CTNNA3: variants seen among roughly 807,000 people sequenced by gnomAD.
CTNNA3 encodes catenin alpha 3, also known as catenin alpha-3.
CTNNA3 carries 76 observed loss-of-function variants against 95.7 expected under a neutral mutation model. That is an observed-to-expected ratio of 0.79 (90% CI 0.66 to 0.96). The LOEUF (loss-of-function observed/expected upper bound fraction) is 0.96, where lower values mean the gene tolerates loss of function less well. Among genes scored for constraint, CTNNA3 ranks in the 40% least tolerant of loss-of-function variants. The pLI is 0.00. For missense variants in CTNNA3, 1,191 were observed against 1,089.8 expected, an observed-to-expected ratio of 1.09 and a Z score of -1.31; for synonymous variants, 431 against 374.4, an observed-to-expected ratio of 1.15 and a Z score of -1.74.
At chr10:66,545,616 T>C (rs1387970181) in intron 10 of CTNNA3, among the ~76,000 whole-genome samples, 1 of 152,052 alleles carries the variant, frequency 6.6e-6, no homozygotes, top group Non-Finnish European at 1.5e-5. Context: ...GCTAAACATG[T>C]TTCTAAGGTG....
At chr10:66,728,488 A>T (rs1032411387) in intron 9 of CTNNA3, among the ~76,000 whole-genome samples, 1 of 152,130 alleles carries the variant, frequency 6.6e-6, no homozygotes, top group Non-Finnish European at 1.5e-5. Flanking sequence ...GGGTGTTTTC[A>T]TCATGAAATC....
intron 14 of CTNNA3, chr10:66,098,701 G>A (rs1033296157): frequency 1.3e-5 from 2 of 152,140 alleles, no homozygotes; most frequent in African/African-American, 4.8e-5. Flanking sequence ...CTGGCTGAAA[G>A]CATGAACAGA....
chr10:67,112,531 T>C (rs1388767864), intron 7 of CTNNA3, among the ~76,000 whole-genome samples: 2 of 152,100 alleles, frequency 1.3e-5, no homozygotes, highest in Non-Finnish European at 2.9e-5. Context: ...GCAGAATGGA[T>C]AAAGTAAGAT....
intron 7 of CTNNA3, among the ~76,000 whole-genome samples, chr10:67,144,606 C>T (rs1406365406): frequency 6.6e-6 from 1 of 152,168 alleles, no homozygotes; most frequent in Non-Finnish European, 1.5e-5. Flanking sequence ...TGACTTATTT[C>T]CTTACATGAA....
chr10:66,245,399 C>A (rs552283171), intron 13 of CTNNA3, among the ~76,000 whole-genome samples: 213 of 152,332 alleles, frequency 1.4e-3, no homozygotes, highest in Non-Finnish European at 1.9e-3. Context: ...TCTTCTCCTG[C>A]AACATGGCAA....
intron 10 of CTNNA3, among the ~76,000 whole-genome samples, chr10:66,526,888 G>A (rs1045192439): frequency 5.9e-5 from 9 of 151,776 alleles, no homozygotes; most frequent in Admixed American, 5.9e-4. Context: ...CCACTCTTTG[G>A]GTTGCCTCTT....
chr10:65,996,740 A>G (rs2078669971), intron 15 of CTNNA3, among the ~76,000 whole-genome samples: 1 of 151,926 alleles, frequency 6.6e-6, no homozygotes, highest in Non-Finnish European at 1.5e-5. Context: ...GGCATATACC[A>G]TTTTCCCACA....
At chr10:66,034,110 T>A (rs1204894512) in intron 15 of CTNNA3, among the ~76,000 whole-genome samples, 1 of 152,130 alleles carries the variant, frequency 6.6e-6, no homozygotes, top group African/African-American at 2.4e-5. Context: ...ATTATAACTA[T>A]TTTTATCTTC....
intron 5 of CTNNA3, among the ~76,000 whole-genome samples, chr10:67,488,375 TTTC>T (rs970576735): frequency 1.3e-5 from 2 of 152,200 alleles, no homozygotes; most frequent in Non-Finnish European, 2.9e-5. Flanking sequence ...AGCTGATTTC[TTTC>T]TTCTTTTTGA....
intron 7 of CTNNA3, among the ~76,000 whole-genome samples, chr10:66,942,588 ATGTG>A (rs148640505): frequency 1.4e-5 from 2 of 146,600 alleles, no homozygotes; most frequent in Admixed American, 6.8e-5. Flanking sequence ...GTGTGTGTGT[ATGTG>A]TGTGTGTGTG....
chr10:66,499,806 C>CTTTTTTTTTTTT (rs34040723), intron 11 of CTNNA3, among the ~76,000 whole-genome samples: 1 of 140,670 alleles, frequency 7.1e-6, no homozygotes, highest in African/African-American at 2.7e-5. Flanking sequence ...GTTGCATTTC[C>CTTTTTTTTTTTT]TTTTTTTTTT....
intron 9 of CTNNA3, among the ~76,000 whole-genome samples, chr10:66,685,317 GTATGTGTGTATATATA>G (rs1359414837): frequency 0.071 from 3,131 of 44,360 alleles, 306 homozygotes; most frequent in Non-Finnish European, 0.083. Context: ...ATGTGTGTGT[GTATGTGTGTATATATA>G]TATATATATA....
rs77247823 is a variant in CTNNA3, at chr10:67,151,589, C to T, written c.1047+28728G>A. On this transcript the variant is annotated intron_variant, in intron 7 of 17. Transcript: ENST00000433211. ...TTTTCACCCTGGAAAATAAGTCCTTCAAATTCCCTTTCTATGGCTTATATA... is the reference window on the plus strand; with the variant it reads ...TTTTCACCCTGGAAAATAAGTCCTTTAAATTCCCTTTCTATGGCTTATATA... Among the ~76,000 whole-genome samples, 72 of 152,290 alleles carry T rather than the reference C, an allele frequency of 4.7e-4. 1 individual carries two copies. The East Asian group carries it at 0.014, about 29-fold the overall frequency.
At chr10:67,748,187 T>C (rs572143811) in intron 1 of CTNNA3, among the ~76,000 whole-genome samples, 2 of 152,172 alleles carry the variant, frequency 1.3e-5, no homozygotes, top group South Asian at 4.2e-4. Flanking sequence ...CACTTCAGGG[T>C]ATCATCCAGG....
At chr10:67,343,612 C>A (rs923115507) in intron 5 of CTNNA3, among the ~76,000 whole-genome samples, 1 of 151,588 alleles carries the variant, frequency 6.6e-6, no homozygotes. Context: ...TTGCATCCTA[C>A]AGCTTTACTG....
At chr10:66,463,957 A>T (rs1377445042) in intron 11 of CTNNA3, among the ~76,000 whole-genome samples, 1 of 151,874 alleles carries the variant, frequency 6.6e-6, no homozygotes, top group Non-Finnish European at 1.5e-5. Context: ...AGAGGAATGG[A>T]TATTTAATAG....
chr10:67,360,349 A>T (rs1220254271), intron 5 of CTNNA3, among the ~76,000 whole-genome samples: 1 of 151,798 alleles, frequency 6.6e-6, no homozygotes, highest in Non-Finnish European at 1.5e-5. Context: ...AAAACCTCAC[A>T]TATCAATATT....
chr10:67,379,501 T>C (rs1843830644), intron 5 of CTNNA3, among the ~76,000 whole-genome samples: 3 of 152,258 alleles, frequency 2.0e-5, no homozygotes, highest in Middle Eastern at 3.4e-3. Context: ...GTGGGGAAAA[T>C]GGACTAAAAA....
At chr10:66,972,533 G>A (rs1030473776) in intron 7 of CTNNA3, among the ~76,000 whole-genome samples, 10 of 151,690 alleles carry the variant, frequency 6.6e-5, no homozygotes, top group East Asian at 1.9e-4. Flanking sequence ...ATTTGCTCTC[G>A]GAGAATAGTT....
Sources: gnomAD v4.1 joint callset for allele counts (sites outside exome capture counted in the v4.1 genomes callset) on GRCh38, gnomAD v4.1.1 for gene constraint, MANE v1.5 for transcripts, NCBI Gene and HGNC (gene_info 2026-07-23, HGNC 2026-07-21) for gene names.